Variants in LAMP2 observed in about 807,000 individuals in gnomAD.
LAMP2 encodes the protein lysosome-associated membrane glycoprotein 2.
LAMP2 carries 4 observed loss-of-function variants against 25.6 expected under a neutral mutation model. That is an observed-to-expected ratio of 0.16 (90% CI 0.08 to 0.36). LAMP2 has a LOEUF of 0.36. Among genes scored for constraint, LAMP2 ranks in the 10% least tolerant of loss-of-function variants. The pLI, the probability that LAMP2 is intolerant of heterozygous loss-of-function variation, is 1.00. For missense variants in LAMP2, 272 were observed against 301.4 expected, an observed-to-expected ratio of 0.90 and a Z score of 0.72; for synonymous variants, 108 against 112.7, an observed-to-expected ratio of 0.96 and a Z score of 0.27.
Position 120,447,748 on chromosome X carries a change from T to C in LAMP2, c.741+93A>G, listed in dbSNP as rs1014066653. The C allele has an allele frequency of 5.1e-4, 402 of 790,291 alleles. 1 individual carries two copies. The highest frequency in any genetic ancestry group is 3.5e-4 in the Middle Eastern group (1 of 2,897). The allele number at this position is 790,291 out of a possible 1,213,427, so 65.1% of individuals were successfully genotyped here. ...AACAAACAAAAAGAAAACGGAATCATTCTAGTAACACTACCTTTGGGCTGA... is the reference window on the plus strand; with the variant it reads ...AACAAACAAAAAGAAAACGGAATCACTCTAGTAACACTACCTTTGGGCTGA... On this transcript the variant is annotated intron_variant, in intron 5 of 8. Transcript: ENST00000200639.
intron 8 of LAMP2, chrX:120,437,200 A>G (rs1375410042): frequency 1.3e-6 from 1 of 747,448 alleles, no homozygotes; most frequent in African/African-American, 2.3e-5. Context: ...GGCTAAACAA[A>G]GAACAAATTT....
At chrX:120,462,648 A>AAAATTAGGG (rs1317989464) in intron 1 of LAMP2, among the ~76,000 whole-genome samples, 1 of 111,412 alleles carries the variant, frequency 9.0e-6, no homozygotes, top group Admixed American at 9.6e-5. Context: ...ATAAACACAC[A>AAAATTAGGG]AAATTAGGGG....
At chrX:120,468,648 G>A (rs1298630568) in intron 1 of LAMP2, among the ~76,000 whole-genome samples, 2 of 110,190 alleles carry the variant, frequency 1.8e-5, no homozygotes, top group Admixed American at 1.9e-4. Flanking sequence ...GCTACTCCAG[G>A]CAGGCATGGT....
chrX:120,432,608 G>A lies in LAMP2; in HGVS notation c.1094-1146C>T, dbSNP rs765791469. On this transcript the variant is annotated intron_variant, in intron 8 of 8. Transcript: ENST00000200639. ...AGAAGGCAAAATTGACCAAACGGAT[G>A]TAGGGGGTGTACGAGGAGGAGATAA... Among the ~76,000 whole-genome samples the A allele has an allele frequency of 3.0e-4, 33 of 111,717 alleles. No homozygotes were observed. Among genetic ancestry groups the A allele is most frequent in the Non-Finnish European group, 4.3e-4 (23 of 53,088 alleles).
chrX:120,441,391 T>C (rs2058571339), intron 8 of LAMP2, among the ~76,000 whole-genome samples: 1 of 112,093 alleles, frequency 8.9e-6, no homozygotes, highest in Non-Finnish European at 1.9e-5. Context: ...TATGAAAATG[T>C]TTCCAGTGAG....
intron 1 of LAMP2, among the ~76,000 whole-genome samples, chrX:120,465,470 C>G (rs1205165116): frequency 8.9e-6 from 1 of 112,112 alleles, no homozygotes; most frequent in African/African-American, 3.2e-5. Context: ...CTTTATAACA[C>G]CTCTAAATCA....
rs1602532154 is a variant in LAMP2 at position 120,441,808 on chromosome X, C to G, written c.1015G>C (p.Val339Leu). 8.3e-7 allele frequency: 1 copy of G among 1,204,732 alleles called. No homozygotes were observed. The highest frequency in any genetic ancestry group is 1.7e-5 in the African/African-American group (1 of 57,714). The change falls in exon 8 of 9, where the codon GTG (valine) becomes CTG (leucine). Residue 339 changes from valine to leucine, a missense_variant. Val to Leu is a conservative substitution (Grantham distance 32, BLOSUM62 1). Coordinates refer to ENST00000200639, the MANE Select transcript of LAMP2 (RefSeq NM_002294.3). ...GTATTTATCTGAAATGCTCCAGACA[C>G]TGAAACAGTCTGCTCTTTGTTGCAC... ...YMCNKEQTVSVSGAFQINTFD... is the reference protein window; with the variant it reads ...YMCNKEQTVSLSGAFQINTFD...
chrX:120,440,788 T>G (rs1222483131), intron 8 of LAMP2, among the ~76,000 whole-genome samples: 2 of 112,737 alleles, frequency 1.8e-5, no homozygotes, highest in Admixed American at 9.4e-5. Context: ...GGAAAATGAA[T>G]TCTTGAAAAT....
chrX:120,442,603 G>C lies in LAMP2; in HGVS notation c.924C>G (p.Gly308=). The part of the protein sequence containing the change: ...EVNISMYLVN[G]SVFSIANNNL... ...CCAGGCCAGTGCTTTGCTTACCGGAGCCATTAACCAAATACATGCTGATGT... is the reference window on the plus strand; with the variant it reads ...CCAGGCCAGTGCTTTGCTTACCGGACCCATTAACCAAATACATGCTGATGT... The change falls in exon 7 of 9, where the codon GGC becomes GGG. Residue 308 remains glycine, a synonymous_variant. Transcript: ENST00000200639. 8.3e-7 allele frequency: 1 copy of C among 1,205,345 alleles called. No homozygotes were observed. The highest frequency in any genetic ancestry group is 1.8e-5 in the South Asian group (1 of 56,874).
chrX:120,439,456 T>C (rs1425777484), intron 8 of LAMP2, among the ~76,000 whole-genome samples: 1 of 111,147 alleles, frequency 9.0e-6, no homozygotes. Context: ...AATGGAGAAC[T>C]GTTCTAGAAT....
chrX:120,455,671 C>T, intron 2 of LAMP2, 101 bp from the exon 3 acceptor site: 1 of 660,667 alleles, frequency 1.5e-6, no homozygotes, highest in Non-Finnish European at 2.4e-6. Context: ...ATACATTCTC[C>T]ATGGCCAGGT....
rs376215728 is a variant in LAMP2 at position 120,455,550 on chromosome X, G to A, written c.204C>T (p.Asp68=). The A allele has an allele frequency of 8.3e-7, 1 of 1,205,630 alleles. No homozygotes were observed. Residue 68 remains aspartate, a synonymous_variant, in exon 3 of 9, where the codon GAC becomes GAT. Transcript: ENST00000200639. ...TTCCATTATATGTCACAGTGCCATG[G>A]TCTGAAATGGTTACAGTTTTCTAAA... ...NKTYKTVTIS[D]HGTVTYNGSI...
intron 3 of LAMP2, among the ~76,000 whole-genome samples, chrX:120,450,457 G>A (rs1397926590): frequency 3.6e-5 from 4 of 112,106 alleles, no homozygotes; most frequent in Admixed American, 2.8e-4. Context: ...GCTTCTCACC[G>A]TTAACAAAAA....
In LAMP2 at chrX:120,431,103, C is replaced by G; in HGVS notation, c.*220G>C. 9.7e-7 allele frequency: 1 copy of G among 1,025,816 alleles called. No individual in the cohort carries two copies. The highest frequency in any genetic ancestry group is 1.2e-6 in the Non-Finnish European group (1 of 802,342). 84.5% of individuals were successfully genotyped at this position (1,025,816 alleles called of 1,213,427 possible). ...CATTGCACGTTGATGTTCTTTTGAA[C>G]AAGTTTGTCTCCAGGACCAGTAAAT... On this transcript the variant is annotated 3_prime_UTR_variant, in exon 9 of 9. Coordinates refer to ENST00000200639, the MANE Select transcript of LAMP2 (RefSeq NM_002294.3).
In LAMP2 at chrX:120,429,967, G is replaced by A; in HGVS notation, c.*1356C>T. ...TACTTTTACCATTCATAAAAATGTTGCTACGGTTCTGAGTACACAACACTC... is the reference window on the plus strand; with the variant it reads ...TACTTTTACCATTCATAAAAATGTTACTACGGTTCTGAGTACACAACACTC... On this transcript the variant is annotated 3_prime_UTR_variant, in exon 9 of 9. Transcript: ENST00000200639. The A allele has an allele frequency of 1.3e-6, 1 of 753,508 alleles. No individual in the cohort carries two copies. Among genetic ancestry groups the A allele is most frequent in the Non-Finnish European group, 1.6e-6 (1 of 638,628 alleles). The allele number at this position is 753,508 out of a possible 1,213,427, so 62.1% of individuals were successfully genotyped here.
intron 3 of LAMP2, among the ~76,000 whole-genome samples, 194 bp from the exon 4 acceptor site, chrX:120,449,322 T>C (rs1310519997): frequency 8.9e-6 from 1 of 112,045 alleles, no homozygotes; most frequent in African/African-American, 3.2e-5. Context: ...GAAGAAGAAA[T>C]GGGGGTTAGG....
At chrX:120,459,675 T>G (rs185154299) in intron 1 of LAMP2, among the ~76,000 whole-genome samples, 179 of 112,335 alleles carry the variant, frequency 1.6e-3, no homozygotes, top group Non-Finnish European at 2.2e-3. Context: ...ATGTAACATA[T>G]GTACAGAAAC....
chrX:120,438,313 T>C (rs1267933772), intron 8 of LAMP2: 4 of 752,693 alleles, frequency 5.3e-6, no homozygotes, highest in Non-Finnish European at 6.3e-6. Context: ...TAGTACTGCA[T>C]ACAGAGGCCA....
At chrX:120,456,599 T>C (rs765203499) in intron 2 of LAMP2, 52 bp downstream of exon 2, 11 of 602,585 alleles carry the variant, frequency 1.8e-5, no homozygotes, top group Non-Finnish European at 2.7e-5. Flanking sequence ...AAGGATAAAG[T>C]CAATTAAATT....
Sources: gnomAD v4.1 joint callset for allele counts (sites outside exome capture counted in the v4.1 genomes callset) on GRCh38, gnomAD v4.1.1 for gene constraint, MANE v1.5 for transcripts, NCBI Gene and HGNC (gene_info 2026-07-23, HGNC 2026-07-21) for gene names.